SLC25A33: variants seen among roughly 807,000 people sequenced by gnomAD.
SLC25A33 encodes bone marrow stromal cell mitochondrial carrier protein.
Under a neutral mutation model 35.5 loss-of-function variants are expected in SLC25A33, and 15 were observed. That is an observed-to-expected ratio of 0.42 (90% CI 0.28 to 0.65). The LOEUF (loss-of-function observed/expected upper bound fraction) is 0.65. Among genes scored for constraint, SLC25A33 ranks in the 30% least tolerant of loss-of-function variants. The pLI, the probability that SLC25A33 is intolerant of heterozygous loss-of-function variation, is 0.20. For synonymous variants in SLC25A33, 136 were observed against 148.7 expected, an observed-to-expected ratio of 0.91 and a Z score of 0.62; for missense variants, 257 against 398.5, an observed-to-expected ratio of 0.64 and a Z score of 3.02.
At chr1:9,551,030 A>G in intron 1 of SLC25A33, among the ~76,000 whole-genome samples, 1 of 152,138 alleles carries the variant, frequency 6.6e-6, no homozygotes, top group Non-Finnish European at 1.5e-5. Context: ...CTTTAGATAT[A>G]TTCTAGTGCT....
chr1:9,553,036 C>T (rs1186478188), intron 1 of SLC25A33, among the ~76,000 whole-genome samples: 1 of 149,256 alleles, frequency 6.7e-6, no homozygotes, highest in Non-Finnish European at 1.5e-5. Flanking sequence ...GGATTACAGG[C>T]ATGCACCACC....
chr1:9,544,478 A>C (rs1018608133), intron 1 of SLC25A33, among the ~76,000 whole-genome samples: 3 of 152,056 alleles, frequency 2.0e-5, no homozygotes, highest in Admixed American at 6.6e-5. Flanking sequence ...CATGTTGGCC[A>C]GACTGGTCTC....
intron 1 of SLC25A33, among the ~76,000 whole-genome samples, chr1:9,550,487 T>TA (rs774566273): frequency 2.7e-4 from 41 of 152,272 alleles, no homozygotes; most frequent in Non-Finnish European, 5.0e-4. Flanking sequence ...GATTTGGAGT[T>TA]ACGTTATCGA....
At chr1:9,548,336 C>T (rs536215135) in intron 1 of SLC25A33, among the ~76,000 whole-genome samples, 1 of 152,332 alleles carries the variant, frequency 6.6e-6, no homozygotes, top group East Asian at 1.9e-4. Context: ...AATCCCAGCA[C>T]TTTGGGAGGC....
At chr1:9,564,055 C>G (rs9430273) in intron 2 of SLC25A33, among the ~76,000 whole-genome samples, 1 of 151,900 alleles carries the variant, frequency 6.6e-6, no homozygotes, top group African/African-American at 2.4e-5. Flanking sequence ...AGAAATCCTC[C>G]ATAAGAAAAA....
Position 9,564,739 on chromosome 1 carries a change from A to AAATATAT in SLC25A33, c.237-2544_237-2543insATATATA, listed in dbSNP as rs60174872. Among the ~76,000 whole-genome samples, 509 of 96,470 alleles carry AAATATAT rather than the reference A, an allele frequency of 5.3e-3. 7 individuals carry two copies. Among genetic ancestry groups the AAATATAT allele is most frequent in the African/African-American group, 0.021 (471 of 22,574 alleles). The allele number at this position is 96,470 out of a possible 152,430, so 63.3% of individuals were successfully genotyped here. On this transcript the variant is annotated intron_variant, in intron 2 of 6. Coordinates refer to ENST00000302692, the MANE Select transcript of SLC25A33 (RefSeq NM_032315.3). The stretch of plus-strand genomic sequence containing the variant: ...TCGTCTCTATTTAAAAAAAAAAAAA[A>AAATATAT]ATATATATATATATATATATATATA...
At chr1:9,554,329 G>A (rs765411318) in intron 2 of SLC25A33, among the ~76,000 whole-genome samples, 10 of 147,438 alleles carry the variant, frequency 6.8e-5, no homozygotes, top group Non-Finnish European at 1.3e-4. Context: ...GCTCCCAGCC[G>A]TGAATATTTT....
intron 1 of SLC25A33, among the ~76,000 whole-genome samples, chr1:9,546,833 AG>A (rs1014467858): frequency 2.0e-5 from 3 of 152,130 alleles, no homozygotes; most frequent in African/African-American, 7.2e-5. Context: ...TGTCACCAGG[AG>A]GGGCCCACCC....
At chr1:9,551,134 G>A (rs1180180349) in intron 1 of SLC25A33, among the ~76,000 whole-genome samples, 3 of 151,956 alleles carry the variant, frequency 2.0e-5, no homozygotes, top group African/African-American at 7.2e-5. Context: ...TGTAATCCCA[G>A]CACTTTGGGA....
intron 6 of SLC25A33, among the ~76,000 whole-genome samples, chr1:9,581,361 C>A (rs958612664): frequency 6.6e-6 from 1 of 152,174 alleles, no homozygotes; most frequent in African/African-American, 2.4e-5. Flanking sequence ...TATTGCCATA[C>A]TTCATACAAA....
intron 1 of SLC25A33, among the ~76,000 whole-genome samples, chr1:9,547,347 C>T (rs1323757699): frequency 2.0e-5 from 3 of 151,926 alleles, no homozygotes; most frequent in Non-Finnish European, 2.9e-5. Context: ...ACAGCTACCC[C>T]GGAGGCTGAG....
intron 6 of SLC25A33, among the ~76,000 whole-genome samples, chr1:9,581,939 A>C (rs1014624386): frequency 2.0e-5 from 3 of 152,016 alleles, no homozygotes; most frequent in African/African-American, 4.8e-5. Context: ...TTATTTTTTG[A>C]GACAGAGTCT....
chr1:9,564,764 A>G (rs1480986820), intron 2 of SLC25A33, among the ~76,000 whole-genome samples: 1 of 141,856 alleles, frequency 7.0e-6, no homozygotes, highest in Non-Finnish European at 1.5e-5. Flanking sequence ...ATATATATAT[A>G]TACACAAAAA....
intron 1 of SLC25A33, among the ~76,000 whole-genome samples, chr1:9,547,312 A>G (rs769270655): frequency 4.6e-5 from 7 of 152,094 alleles, no homozygotes; most frequent in African/African-American, 1.7e-4. Flanking sequence ...AAATTAGCCA[A>G]GCATTGTGGC....
rs1176863795 is a variant in SLC25A33 at position 9,585,004 on chromosome 1, T to A, written c.*2503T>A. Reference sequence around the variant, plus strand: ...AGCACTGGAATTACAGAGTAACATCTAATTTTAATATTCACATTCCTATTT... The same window carrying A: ...AGCACTGGAATTACAGAGTAACATCAAATTTTAATATTCACATTCCTATTT... On this transcript the variant is annotated 3_prime_UTR_variant, in exon 7 of 7. Transcript: ENST00000302692. 3 of 152,344 alleles carry A rather than the reference T, an allele frequency of 2.0e-5. No individual in the cohort carries two copies. In the South Asian group the frequency reaches 6.2e-4, roughly 32 times the overall value. 9.4% of individuals were successfully genotyped at this position (152,344 alleles called of 1,614,324 possible). A position where few individuals can be genotyped will look rare whatever the true frequency, so the allele number is the denominator to read the frequency against.
chr1:9,554,182 A>AT (rs981271224), intron 2 of SLC25A33, among the ~76,000 whole-genome samples: 11 of 152,124 alleles, frequency 7.2e-5, no homozygotes, highest in Admixed American at 2.6e-4. Context: ...ATTTTATTTT[A>AT]TTTATTTACT....
At chr1:9,545,984 T>C (rs1569841264) in intron 1 of SLC25A33, among the ~76,000 whole-genome samples, 1 of 151,104 alleles carries the variant, frequency 6.6e-6, no homozygotes, top group African/African-American at 2.4e-5. Context: ...AAGGAATACA[T>C]AGTTGAAAAC....
chr1:9,570,566 T>C (rs889641816), intron 4 of SLC25A33, among the ~76,000 whole-genome samples: 3 of 152,162 alleles, frequency 2.0e-5, no homozygotes, highest in Admixed American at 6.6e-5. Context: ...GCTCTTTATT[T>C]GCCCTCAAAA....
rs561164823 is a variant in SLC25A33, at chr1:9,555,284, A to G, written c.236+1479A>G. Among the ~76,000 whole-genome samples, 7 of 151,558 alleles carry G rather than the reference A, an allele frequency of 4.6e-5. 1 individual carries two copies. The East Asian group carries it at 1.4e-3, about 29-fold the overall frequency. On this transcript the variant is annotated intron_variant, in intron 2 of 6. Coordinates refer to ENST00000302692, the MANE Select transcript of SLC25A33 (RefSeq NM_032315.3). Reference sequence around the variant, plus strand: ...AGGTGCCCGCCATCACACCCAGCTAATTTTTTTGTATTTTTAGTAGAGACG... The same window carrying G: ...AGGTGCCCGCCATCACACCCAGCTAGTTTTTTTGTATTTTTAGTAGAGACG...
Sources: allele counts gnomAD v4.1 joint callset (sites outside exome capture counted in the v4.1 genomes callset), GRCh38; gene constraint gnomAD v4.1.1; transcripts MANE v1.5; gene names NCBI Gene and HGNC (gene_info 2026-07-23, HGNC 2026-07-21).